The following PPM1H variants were observed in gnomAD, a reference collection of about 807,000 sequenced individuals.
PPM1H encodes the protein protein phosphatase, Mg2+/Mn2+ dependent 1H, also known as protein phosphatase 1H.
Under a neutral mutation model 54.9 loss-of-function variants are expected in PPM1H, and 27 were observed. The ratio of observed to expected loss-of-function variants is 0.49; its 90% CI spans 0.36 to 0.68. The LOEUF (loss-of-function observed/expected upper bound fraction) is 0.68. PPM1H is among the 30% of genes least tolerant of loss of function. The pLI is 0.00. For synonymous variants in PPM1H, 305 were observed against 270.8 expected (o/e 1.13, Z -1.24); for missense variants, 596 against 667.8 (o/e 0.89, Z 1.19).
intron 1 of PPM1H, among the ~76,000 whole-genome samples, chr12:62,928,579 C>A (rs1872042480): frequency 6.6e-6 from 1 of 152,190 alleles, no homozygotes; most frequent in Admixed American, 6.5e-5. Flanking sequence ...AGATTCTCTC[C>A]TCCACCAAAC....
intron 1 of PPM1H, among the ~76,000 whole-genome samples, chr12:62,876,222 C>A (rs759969931): frequency 2.0e-5 from 3 of 152,098 alleles, no homozygotes; most frequent in Non-Finnish European, 4.4e-5. Context: ...TACAAATACA[C>A]GGAGAGCAGA....
At position 62,927,177 on chromosome 12, in the gene PPM1H, G is replaced by C. The variant is rs1871995073; in HGVS notation, c.245+7315C>G. ...TACAACCAATCTGATATGTATCACA[G>C]TTGTGAATGTGCATAGCTTCTAACC... On this transcript the variant is annotated intron_variant, in intron 1 of 9. Transcript: ENST00000228705. Among the ~76,000 whole-genome samples the C allele has an allele frequency of 2.0e-5, 3 of 152,318 alleles. No individual in the cohort carries two copies. The South Asian group carries it at 6.2e-4, about 32-fold the overall frequency.
At chr12:62,662,340 G>A (rs1288044374) in intron 9 of PPM1H, among the ~76,000 whole-genome samples, 1 of 152,148 alleles carries the variant, frequency 6.6e-6, no homozygotes, top group African/African-American at 2.4e-5. Flanking sequence ...AAACTTGAAA[G>A]GCGAAAAACA....
intron 9 of PPM1H, among the ~76,000 whole-genome samples, chr12:62,648,942 A>G (rs968131743): frequency 1.3e-5 from 2 of 152,220 alleles, no homozygotes; most frequent in Non-Finnish European, 2.9e-5. Context: ...TGCTGCTAGT[A>G]TAGCTCAAAG....
Position 62,729,429 on chromosome 12 carries a change from T to A in PPM1H, c.954+8073A>T, listed in dbSNP as rs149684392. 2.8e-4 allele frequency among the ~76,000 whole-genome samples: 43 copies of A among 152,300 alleles called. No individual in the cohort carries two copies. The East Asian group carries it at 8.1e-3, about 29-fold the overall frequency. On this transcript the variant is annotated intron_variant, in intron 5 of 9. Coordinates refer to ENST00000228705, the MANE Select transcript of PPM1H (RefSeq NM_020700.2). Reference sequence around the variant, plus strand: ...AGATGGCCCCTCCTGCAAAGGGTAATGTGCAGTTAAAGAAAGGATACATGG... The same window carrying A: ...AGATGGCCCCTCCTGCAAAGGGTAAAGTGCAGTTAAAGAAAGGATACATGG...
intron 7 of PPM1H, among the ~76,000 whole-genome samples, chr12:62,691,643 G>GT (rs1350549007): frequency 6.6e-6 from 1 of 152,010 alleles, no homozygotes; most frequent in Non-Finnish European, 1.5e-5. Context: ...GGGCAATGTG[G>GT]TAAAACCTCC....
chr12:62,808,563 C>T (rs756853332), intron 2 of PPM1H, among the ~76,000 whole-genome samples: 37 of 152,066 alleles, frequency 2.4e-4, no homozygotes, highest in Non-Finnish European at 5.0e-4. Flanking sequence ...TTTGCCGTCT[C>T]TGATTGAATC....
chr12:62,648,335 A>T lies in PPM1H; in HGVS notation c.*154T>A. 1.1e-6 allele frequency: 1 copy of T among 903,304 alleles called. No homozygotes were observed. The highest frequency in any genetic ancestry group is 1.7e-6 in the Non-Finnish European group (1 of 605,606). 56.0% of individuals were successfully genotyped at this position (903,304 alleles called of 1,614,324 possible). On this transcript the variant is annotated 3_prime_UTR_variant, in exon 10 of 10. Coordinates refer to ENST00000228705, the MANE Select transcript of PPM1H (RefSeq NM_020700.2). Reference sequence around the variant, plus strand: ...AAGAAGAAATGGAAACCAAAGGGTCATCTTGAAGCATAGTCTTTTGGCCAT... The same window carrying T: ...AAGAAGAAATGGAAACCAAAGGGTCTTCTTGAAGCATAGTCTTTTGGCCAT...
At chr12:62,707,721 T>C (rs2076183250) in intron 6 of PPM1H, among the ~76,000 whole-genome samples, 1 of 152,212 alleles carries the variant, frequency 6.6e-6, no homozygotes. Flanking sequence ...ATCATCCATA[T>C]ATGGCCCTGT....
chr12:62,889,732 A>G (rs1416246995), intron 1 of PPM1H, among the ~76,000 whole-genome samples: 4 of 152,310 alleles, frequency 2.6e-5, no homozygotes, highest in Non-Finnish European at 5.9e-5. Context: ...CATGCAAAAA[A>G]ATGACTCTAG....
At chr12:62,750,153 G>A (rs2076434357) in intron 4 of PPM1H, among the ~76,000 whole-genome samples, 1 of 151,998 alleles carries the variant, frequency 6.6e-6, no homozygotes, top group Non-Finnish European at 1.5e-5. Flanking sequence ...CTCTTAAAGT[G>A]ATACAATTCA....
intron 3 of PPM1H, among the ~76,000 whole-genome samples, chr12:62,797,308 C>T (rs548582433): frequency 4.9e-4 from 75 of 152,088 alleles, no homozygotes; most frequent in Non-Finnish European, 8.1e-4. Flanking sequence ...AGGTGCAAGG[C>T]TTGGGGAACT....
chr12:62,919,884 G>T (rs1871738567), intron 1 of PPM1H, among the ~76,000 whole-genome samples: 2 of 152,032 alleles, frequency 1.3e-5, no homozygotes, highest in South Asian at 2.1e-4. Context: ...GATGACAGGG[G>T]AATGGGGAGA....
At chr12:62,717,451 CAGAGAGAGAG>C (rs60561309) in intron 6 of PPM1H, among the ~76,000 whole-genome samples, 4 of 148,538 alleles carry the variant, frequency 2.7e-5, no homozygotes, top group Admixed American at 6.7e-5. Context: ...CATGCTAATG[CAGAGAGAGAG>C]AGAGAGAGAG....
intron 1 of PPM1H, among the ~76,000 whole-genome samples, chr12:62,833,970 CA>C (rs1387186407): frequency 6.6e-6 from 1 of 152,078 alleles, no homozygotes; most frequent in East Asian, 1.9e-4. Flanking sequence ...AAGATCATAT[CA>C]GTCATCTATT....
At chr12:62,775,079 T>C (rs1334291202) in intron 4 of PPM1H, among the ~76,000 whole-genome samples, 1 of 152,218 alleles carries the variant, frequency 6.6e-6, no homozygotes, top group Non-Finnish European at 1.5e-5. Flanking sequence ...TGTTATTTTT[T>C]AAATCCCACA....
chr12:62,738,507 T>A (rs1261304379), intron 4 of PPM1H, among the ~76,000 whole-genome samples: 1 of 152,092 alleles, frequency 6.6e-6, no homozygotes, highest in African/African-American at 2.4e-5. Context: ...GGCTGCAGGA[T>A]CGATAACCAT....
chr12:62,688,508 CAA>C (rs1257296706), intron 8 of PPM1H, among the ~76,000 whole-genome samples: 1 of 151,742 alleles, frequency 6.6e-6, no homozygotes, highest in Non-Finnish European at 1.5e-5. Flanking sequence ...AATTTGGAAG[CAA>C]AAAAATTTCT....
At chr12:62,794,757 G>C (rs1248702712) in intron 3 of PPM1H, among the ~76,000 whole-genome samples, 2 of 152,146 alleles carry the variant, frequency 1.3e-5, no homozygotes, top group African/African-American at 4.8e-5. Flanking sequence ...GGAGGGTGGA[G>C]AAGTAGGGAG....
Sources: gnomAD v4.1 joint callset for allele counts (sites outside exome capture counted in the v4.1 genomes callset) on GRCh38, gnomAD v4.1.1 for gene constraint, MANE v1.5 for transcripts, NCBI Gene and HGNC (gene_info 2026-07-23, HGNC 2026-07-21) for gene names.